The following MGAM2 variants were observed in gnomAD, a reference collection of about 807,000 sequenced individuals.
The protein encoded by MGAM2 is probable maltase-glucoamylase 2.
A neutral mutation model predicts 96.1 loss-of-function variants in MGAM2; 98 were observed. The ratio of observed to expected loss-of-function variants is 1.02; its 90% CI spans 0.87 to 1.21. MGAM2 has a LOEUF of 1.21. MGAM2 is among the 50% of genes most tolerant of loss of function. MGAM2 has a pLI of 0.00. For missense variants in MGAM2, 2,055 were observed against 1,182.4 expected, an observed-to-expected ratio of 1.74 and a Z score of -10.82; for synonymous variants, 749 against 414.8, an observed-to-expected ratio of 1.81 and a Z score of -9.79.
At position 142,191,116 on chromosome 7, in the gene MGAM2, A is replaced by G. The variant is rs1409756955; in HGVS notation, c.4346+1611A>G. ...CACTGCACTTCAGCCTGGGCAACAA[A>G]GTAAGACTATCTCTACAGAAAAAAA... On this transcript the variant is annotated intron_variant, in intron 37 of 47. Transcript: ENST00000477922. Among the ~76,000 whole-genome samples, 4 of 142,496 alleles carry G rather than the reference A, an allele frequency of 2.8e-5. 1 individual carries two copies. The highest frequency in any genetic ancestry group is 4.5e-5 in the Non-Finnish European group (3 of 66,156). 93.5% of individuals were successfully genotyped at this position (142,496 alleles called of 152,430 possible). A position where few individuals can be genotyped will look rare whatever the true frequency, so the allele number is the denominator to read the frequency against.
chr7:142,177,818 C>CT (rs1796422123), intron 32 of MGAM2, among the ~76,000 whole-genome samples: 2 of 152,154 alleles, frequency 1.3e-5, no homozygotes. Context: ...GCAGATAGTG[C>CT]TGTGATAGAC....
At chr7:142,165,691 CACAGCATGGAACTGCTGTCTAG>C (rs1796009231) in intron 24 of MGAM2, among the ~76,000 whole-genome samples, 1 of 152,164 alleles carries the variant, frequency 6.6e-6, no homozygotes, top group Non-Finnish European at 1.5e-5. Flanking sequence ...TCAAAACATT[CACAGCATGGAACTGCTGTCTAG>C]GATTAATGGA....
chr7:142,165,626 T>C (rs914542229), intron 24 of MGAM2, among the ~76,000 whole-genome samples: 3 of 152,200 alleles, frequency 2.0e-5, no homozygotes, highest in African/African-American at 7.2e-5. Context: ...ATCTCAGCTC[T>C]TAGGGTATTA....
intron 8 of MGAM2, 122 bp downstream of exon 8, chr7:142,136,762 T>G (rs930836193): frequency 7.1e-5 from 38 of 537,752 alleles, no homozygotes; most frequent in African/African-American, 6.7e-4. Flanking sequence ...CTACAATACT[T>G]TTATTGAAAC....
chr7:142,136,444 C>T (rs1047994172), intron 7 of MGAM2, 97 bp from the exon 8 acceptor site: 3 of 468,366 alleles, frequency 6.4e-6, no homozygotes, highest in South Asian at 4.6e-5. Context: ...AAGTGTTGAC[C>T]AAGTATATGT....
chr7:142,172,623 G>A (rs1004028093), intron 29 of MGAM2, 29 bp from the exon 30 acceptor site: 4 of 681,166 alleles, frequency 5.9e-6, no homozygotes, highest in African/African-American at 3.5e-5. Context: ...CTCCAAGGAT[G>A]TGCCTCATGT....
At position 142,138,596 on chromosome 7, in the gene MGAM2, C is replaced by T. The variant is rs527596455; in HGVS notation, c.1015C>T (p.Arg339Cys). The T allele has an allele frequency of 2.6e-5, 18 of 703,158 alleles. 1 individual carries two copies. Among genetic ancestry groups the T allele is most frequent in the East Asian group, 1.9e-4 (7 of 37,282 alleles). The allele number at this position is 703,158 out of a possible 1,614,324, so 43.6% of individuals were successfully genotyped here. Residue 339 changes from arginine (R) to cysteine (C), a missense_variant, in exon 10 of 48, where the codon CGC becomes TGC. Physicochemically the swap from Arg to Cys is radical, Grantham distance 180. Transcript: ENST00000477922. ...TTGGAGTCTTGGGTTCCAGCTTAGT[C>T]GCAGGGACTATGGTGGCATCAATAA... ...PYWSLGFQLS[R>C]RDYGGINKLK...
At chr7:142,213,719 T>C (rs1797663205) in intron 46 of MGAM2, among the ~76,000 whole-genome samples, 2 of 152,064 alleles carry the variant, frequency 1.3e-5, no homozygotes, top group African/African-American at 4.8e-5. Flanking sequence ...ACCAGACAGA[T>C]TCACAGCCGA....
intron 35 of MGAM2, among the ~76,000 whole-genome samples, chr7:142,186,487 G>C (rs1051398309): frequency 1.3e-5 from 2 of 152,210 alleles, no homozygotes; most frequent in South Asian, 4.1e-4. Flanking sequence ...CTGGGAGTGG[G>C]TGAGGCATGG....
At chr7:142,174,334 A>G (rs971226794) in intron 31 of MGAM2, among the ~76,000 whole-genome samples, 1 of 152,096 alleles carries the variant, frequency 6.6e-6, no homozygotes, top group Non-Finnish European at 1.5e-5. Context: ...ATTTGTTTGT[A>G]TCATCTCTGA....
At chr7:142,218,312 C>T in intron 46 of MGAM2, 49 bp from the exon 47 acceptor site, 2 of 570,328 alleles carry the variant, frequency 3.5e-6, no homozygotes, top group Non-Finnish European at 6.3e-6. Context: ...GGACCATAGT[C>T]TATCAACAAT....
chr7:142,159,224 G>T, intron 19 of MGAM2, 63 bp from the exon 20 acceptor site: 1 of 695,172 alleles, frequency 1.4e-6, no homozygotes, highest in South Asian at 1.5e-5. Flanking sequence ...ATGATGCCTG[G>T]AGGTGTTTTG....
chr7:142,189,559 G>A, intron 37 of MGAM2, 54 bp downstream of exon 37: 1 of 625,834 alleles, frequency 1.6e-6, no homozygotes, highest in Non-Finnish European at 2.8e-6. Flanking sequence ...CATTCCTTTT[G>A]CCATTTCATA....
At chr7:142,162,236 A>C (rs556197617) in intron 23 of MGAM2, among the ~76,000 whole-genome samples, 1 of 152,196 alleles carries the variant, frequency 6.6e-6, no homozygotes, top group African/African-American at 2.4e-5. Flanking sequence ...GGAAAAAAAA[A>C]CATTACCTTT....
intron 3 of MGAM2, among the ~76,000 whole-genome samples, chr7:142,128,248 G>A (rs914036140): frequency 3.3e-5 from 5 of 152,112 alleles, no homozygotes; most frequent in Admixed American, 6.6e-5. Context: ...TGTTAAAGGC[G>A]TTCAGCTTAT....
chr7:142,131,861 A>G (rs4473940), intron 5 of MGAM2, 70 bp from the exon 6 acceptor site: 247,621 of 633,988 alleles, frequency 0.39, 50,139 homozygotes, highest in African/African-American at 0.55. Flanking sequence ...GAGATGGAAC[A>G]TCTTTTGTAG....
chr7:142,126,903 A>C (rs1794747055), intron 3 of MGAM2, among the ~76,000 whole-genome samples: 1 of 151,428 alleles, frequency 6.6e-6, no homozygotes. Context: ...GAATATAATA[A>C]GAAGTCCCAA....
intron 31 of MGAM2, among the ~76,000 whole-genome samples, chr7:142,174,715 C>CTCTTTTTTTTTTT (rs1194981898): frequency 2.7e-4 from 23 of 85,442 alleles, no homozygotes; most frequent in African/African-American, 1.2e-3. Context: ...CTCTCTCTCT[C>CTCTTTTTTTTTTT]TTTTTTTTTT....
chr7:142,124,031 G>C (rs558423282), intron 3 of MGAM2, among the ~76,000 whole-genome samples: 1 of 143,960 alleles, frequency 6.9e-6, no homozygotes, highest in African/African-American at 2.7e-5. Context: ...GGAGCGCAGA[G>C]GCGCAATCTT....
Sources: allele counts gnomAD v4.1 joint callset (sites outside exome capture counted in the v4.1 genomes callset), GRCh38; gene constraint gnomAD v4.1.1; transcripts MANE v1.5; gene names NCBI Gene and HGNC (gene_info 2026-07-23, HGNC 2026-07-21).